Variants in FAM107A observed in about 807,000 individuals in gnomAD.
FAM107A encodes family with sequence similarity 107 member A, also known as actin-associated protein FAM107A.
A neutral mutation model predicts 13.7 loss-of-function variants in FAM107A; 19 were observed. The observed-to-expected ratio is 1.38, with a 90% CI of 0.97 to 2.03. FAM107A has a LOEUF of 2.03. FAM107A is among the 30% of genes most tolerant of loss of function. The pLI is 0.00. For missense variants in FAM107A, 203 were observed against 184.4 expected, an observed-to-expected ratio of 1.10 and a Z score of -0.58; for synonymous variants, 82 against 74.5, an observed-to-expected ratio of 1.10 and a Z score of -0.52.
chr3:58,586,886 C>A (rs975718492), exon 1 of FAM107A: 2 of 1,533,272 alleles, frequency 1.3e-6, no homozygotes, highest in East Asian at 4.9e-5. Context: ...CCCGGTAGAG[C>A]CCGGTGGCAT....
Position 58,566,440 on chromosome 3 carries a change from A to T in FAM107A, c.*148T>A. The T allele has an allele frequency of 1.6e-6, 1 of 631,820 alleles. No individual in the cohort carries two copies. The highest frequency in any genetic ancestry group is 2.7e-6 in the Non-Finnish European group (1 of 365,950). 39.1% of individuals were successfully genotyped at this position (631,820 alleles called of 1,614,324 possible). On this transcript the variant is annotated 3_prime_UTR_variant, in exon 4 of 4. Coordinates refer to ENST00000360997, the MANE Select transcript of FAM107A (RefSeq NM_001076778.3). ...GGGCCCCAGCCTCCCAGGGAGAGCC[A>T]GGCCCTCTGGGGTGACACATTTCTA...
intron 1 of FAM107A, among the ~76,000 whole-genome samples, chr3:58,586,677 G>T (rs2065609337): frequency 6.6e-6 from 1 of 152,214 alleles, no homozygotes; most frequent in South Asian, 2.1e-4. Flanking sequence ...CAGTCGGGGA[G>T]AAAGAATGAG....
chr3:58,597,768 CA>C (rs1389012386), intron 1 of FAM107A, among the ~76,000 whole-genome samples: 8 of 152,120 alleles, frequency 5.3e-5, no homozygotes, highest in Non-Finnish European at 1.2e-4. Context: ...TCTTGTTTTA[CA>C]GATGAGGAAG....
At chr3:58,612,865 A>AG (rs1285625811) in intron 1 of FAM107A, among the ~76,000 whole-genome samples, 1 of 151,682 alleles carries the variant, frequency 6.6e-6, no homozygotes, top group Non-Finnish European at 1.5e-5. Flanking sequence ...GCCTGTTATC[A>AG]GTCATCTTTA....
upstream of FAM107A, among the ~76,000 whole-genome samples, chr3:58,578,573 C>G (rs1008212030): frequency 2.0e-5 from 3 of 151,972 alleles, no homozygotes; most frequent in Non-Finnish European, 4.4e-5. Flanking sequence ...CTCAAAAAAA[C>G]CCAAAAAACA....
chr3:58,596,300 G>C (rs549061301), intron 1 of FAM107A, among the ~76,000 whole-genome samples: 6 of 152,282 alleles, frequency 3.9e-5, no homozygotes, highest in African/African-American at 1.4e-4. Flanking sequence ...CCAACCATGG[G>C]CCCAATCCAC....
chr3:58,594,436 G>A (rs971558345), intron 1 of FAM107A, among the ~76,000 whole-genome samples: 9 of 152,126 alleles, frequency 5.9e-5, no homozygotes, highest in Admixed American at 5.9e-4. Context: ...ACCTCTAACG[G>A]CAGCTGCCCT....
At chr3:58,624,567 C>T (rs770715095) in intron 1 of FAM107A, among the ~76,000 whole-genome samples, 26 of 152,206 alleles carry the variant, frequency 1.7e-4, no homozygotes, top group Non-Finnish European at 2.8e-4. Context: ...GAGTAACAGC[C>T]ATGCCATTGG....
At chr3:58,566,842 G>C (rs2063626732) in intron 3 of FAM107A, 147 bp from the exon 4 acceptor site, 12 of 660,448 alleles carry the variant, frequency 1.8e-5, no homozygotes, top group Non-Finnish European at 3.2e-5. Flanking sequence ...GGTAGCTGGG[G>C]CACAGAGCAT....
chr3:58,573,665 T>C (rs2063706307), intron 1 of FAM107A: 1 of 152,586 alleles, frequency 6.6e-6, no homozygotes, highest in Admixed American at 6.5e-5. Flanking sequence ...GTGGCTTGTT[T>C]GTATTCTTCA....
chr3:58,624,181 C>T (rs969415318), intron 1 of FAM107A, among the ~76,000 whole-genome samples: 1 of 152,340 alleles, frequency 6.6e-6, no homozygotes, highest in Admixed American at 6.5e-5. Flanking sequence ...GAACTCACCT[C>T]TCTGGCATCA....
At position 58,593,069 on chromosome 3, in the gene FAM107A, A is replaced by G. The variant is rs148881308; in HGVS notation, c.-69-3800T>C. On this transcript the variant is annotated intron_variant, in intron 1 of 3. Coordinates refer to the FAM107A transcript ENST00000465970. ...GACCGGACCCCACTCAGTCATCTAT[A>G]GTACTCCAACTGCCTTCTGCCTGCA... 2.0e-5 allele frequency among the ~76,000 whole-genome samples: 3 copies of G among 152,282 alleles called. No individual in the cohort carries two copies. The East Asian group carries it at 5.8e-4, about 29-fold the overall frequency.
At chr3:58,586,744 C>T (rs2065609892) in intron 1 of FAM107A, 1 of 1,096,442 alleles carries the variant, frequency 9.1e-7, no homozygotes, top group Admixed American at 3.6e-5. Flanking sequence ...AGGAAAGAAG[C>T]AGAGCAACGA....
At chr3:58,620,129 CA>C (rs2065939282) in intron 1 of FAM107A, among the ~76,000 whole-genome samples, 1 of 152,090 alleles carries the variant, frequency 6.6e-6, no homozygotes, top group Non-Finnish European at 1.5e-5. Context: ...AATGGTAAAC[CA>C]AAAATCAAAC....
chr3:58,587,693 G>C (rs1000714300), upstream of FAM107A, among the ~76,000 whole-genome samples: 1 of 152,114 alleles, frequency 6.6e-6, no homozygotes, highest in Non-Finnish European at 1.5e-5. Flanking sequence ...TGGCTTTGTG[G>C]AGTGTCTGTA....
intron 1 of FAM107A, chr3:58,608,757 G>A (rs536244408): frequency 2.0e-5 from 3 of 152,448 alleles, no homozygotes; most frequent in Non-Finnish European, 2.9e-5. Flanking sequence ...AATCAGCAGT[G>A]AGACCTCGCC....
intron 1 of FAM107A, among the ~76,000 whole-genome samples, chr3:58,600,494 C>G (rs1008089475): frequency 3.3e-5 from 5 of 152,190 alleles, no homozygotes; most frequent in Non-Finnish European, 5.9e-5. Flanking sequence ...AATAGTGAGG[C>G]TCAAAAAAGT....
In FAM107A at chr3:58,618,527, A is replaced by G. The variant is rs369927310; in HGVS notation, c.-70+8889T>C. ...GAGGCCATCTTGCCCAGGGTCCCTC[A>G]TTCAGGGCCTCTGAGGCGAATATTT... On this transcript the variant is annotated intron_variant, in intron 1 of 3. Transcript: ENST00000465970. 5.4e-4 allele frequency among the ~76,000 whole-genome samples: 83 copies of G among 152,346 alleles called. 2 individuals are homozygous for G. In the South Asian group the frequency reaches 0.017, roughly 31 times the overall value.
rs753821366 is a variant in FAM107A at position 58,566,629 on chromosome 3, G to A, written c.394C>T (p.Arg132Trp). ...PEFIKVRENL[R>W]RIATLTSEER... ...TCGCTGGTCAGTGTGGCAATTCTCC[G>A]CAGGTTTTCCCTGACTTTAATAAAC... The change falls in exon 4 of 4, where the codon CGG (arginine) becomes TGG (tryptophan). Residue 132 changes from arginine to tryptophan, a missense_variant. Transcript: ENST00000360997. The A allele has an allele frequency of 2.5e-6, 4 of 1,613,938 alleles. No homozygotes were observed. The highest frequency in any genetic ancestry group is 2.2e-5 in the South Asian group (2 of 91,076).
Sources: gnomAD v4.1 joint callset for allele counts (sites outside exome capture counted in the v4.1 genomes callset) on GRCh38, gnomAD v4.1.1 for gene constraint, MANE v1.5 for transcripts, NCBI Gene and HGNC (gene_info 2026-07-23, HGNC 2026-07-21) for gene names.